Variants in POFUT1 observed in about 807,000 individuals in gnomAD.
POFUT1 encodes the protein GDP-fucose protein O-fucosyltransferase 1.
POFUT1 carries 16 observed loss-of-function variants against 42.4 expected under a neutral mutation model. The observed-to-expected ratio is 0.38, with a 90% CI of 0.26 to 0.57. POFUT1 has a LOEUF of 0.57. Among genes scored for constraint, POFUT1 ranks in the 20% least tolerant of loss-of-function variants. The pLI is 0.71. For synonymous variants in POFUT1, 206 were observed against 205.4 expected (o/e 1.00, Z -0.03); for missense variants, 470 against 504.6 (o/e 0.93, Z 0.66).
chr20:32,207,916 C>A lies in POFUT1; in HGVS notation c.-26C>A, dbSNP rs771588181. On this transcript the variant is annotated 5_prime_UTR_variant, in exon 1 of 7. Transcript: ENST00000375749. Reference sequence around the variant, plus strand: ...TCCTTCCCTCCCCGACTGTGCGCCGCGGCTGGCTCGGGTTCCCGGGCCGAC... The same window carrying A: ...TCCTTCCCTCCCCGACTGTGCGCCGAGGCTGGCTCGGGTTCCCGGGCCGAC... The A allele has an allele frequency of 6.4e-7, 1 of 1,568,876 alleles. No individual in the cohort carries two copies.
chr20:32,221,564 A>T (rs934775126), intron 4 of POFUT1, among the ~76,000 whole-genome samples: 2 of 152,008 alleles, frequency 1.3e-5, no homozygotes, highest in Non-Finnish European at 2.9e-5. Flanking sequence ...AATAGAAAAA[A>T]TTAGCCAGGC....
chr20:32,216,209 G>T (rs2047359407), intron 3 of POFUT1, among the ~76,000 whole-genome samples: 1 of 152,218 alleles, frequency 6.6e-6, no homozygotes, highest in Non-Finnish European at 1.5e-5. Flanking sequence ...CTTACTGGCT[G>T]TGTAACCTTG....
Position 32,207,951 on chromosome 20 carries a change from G to A in POFUT1, c.10G>A (p.Ala4Thr), listed in dbSNP as rs749309004. Residue 4 changes from alanine to threonine, a missense_variant, in exon 1 of 7, where the codon GCC (alanine) becomes ACC (threonine). Transcript: ENST00000375749. ...GGGTTCCCGGGCCGACATGGGCGCC[G>A]CCGCGTGGGCACGGCCGCTGAGCGT... is the stretch of plus-strand genomic sequence containing the variant. MGA[A>T]AWARPLSVSF... 1.3e-6 allele frequency: 2 copies of A among 1,588,260 alleles called. No homozygotes were observed. Among genetic ancestry groups the A allele is most frequent in the Non-Finnish European group, 1.7e-6 (2 of 1,175,088 alleles).
At chr20:32,217,244 G>T in intron 4 of POFUT1, 1 of 1,399,182 alleles carries the variant, frequency 7.1e-7, no homozygotes. Flanking sequence ...GTAATCAGAG[G>T]CCAATGGTGA....
chr20:32,213,848 T>C (rs1002812459), intron 2 of POFUT1, among the ~76,000 whole-genome samples: 16 of 152,246 alleles, frequency 1.1e-4, no homozygotes, highest in African/African-American at 3.9e-4. Context: ...TGTTAACACT[T>C]TCTCATGTTT....
intron 4 of POFUT1, among the ~76,000 whole-genome samples, chr20:32,225,859 G>A (rs1388394821): frequency 6.6e-6 from 1 of 152,176 alleles, no homozygotes; most frequent in Non-Finnish European, 1.5e-5. Context: ...TCTCTATTAT[G>A]TGGATGAGGA....
Position 32,207,931 on chromosome 20 carries a change from C to T in POFUT1, c.-11C>T, listed in dbSNP as rs1448832682. On this transcript the variant is annotated 5_prime_UTR_variant, in exon 1 of 7. Coordinates refer to ENST00000375749, the MANE Select transcript of POFUT1 (RefSeq NM_015352.2). The stretch of plus-strand genomic sequence containing the variant: ...CTGTGCGCCGCGGCTGGCTCGGGTT[C>T]CCGGGCCGACATGGGCGCCGCCGCG... 3 of 1,580,116 alleles carry T rather than the reference C, an allele frequency of 1.9e-6. No homozygotes were observed. Among genetic ancestry groups the T allele is most frequent in the Non-Finnish European group, 2.6e-6 (3 of 1,171,962 alleles).
In POFUT1 at chr20:32,234,867, A is replaced by T. The variant is rs1455770522; in HGVS notation, c.*206A>T. The T allele has an allele frequency of 6.0e-6, 3 of 499,894 alleles. No homozygotes were observed. Among genetic ancestry groups the T allele is most frequent in the Non-Finnish European group, 1.1e-5 (3 of 284,316 alleles). The allele number at this position is 499,894 out of a possible 1,614,324, so 31.0% of individuals were successfully genotyped here. A position where few individuals can be genotyped will look rare whatever the true frequency, so the allele number is the denominator to read the frequency against. ...GGACTTGCAGGTTCCTAGGAGCAGGAGCATCTCCCATCGCACGTGCTTTCT... is the reference window on the plus strand; with the variant it reads ...GGACTTGCAGGTTCCTAGGAGCAGGTGCATCTCCCATCGCACGTGCTTTCT... On this transcript the variant is annotated 3_prime_UTR_variant, in exon 7 of 7. Transcript: ENST00000375749.
chr20:32,225,338 C>G (rs1248133123), intron 4 of POFUT1, among the ~76,000 whole-genome samples: 1 of 151,994 alleles, frequency 6.6e-6, no homozygotes, highest in African/African-American at 2.4e-5. Flanking sequence ...CAGGTGCCCA[C>G]CACGACGTGT....
intron 1 of POFUT1, 41 bp from the exon 2 acceptor site, chr20:32,210,030 A>G (rs1569148570): frequency 1.9e-6 from 3 of 1,613,652 alleles, no homozygotes; most frequent in African/African-American, 2.7e-5. Context: ...TATGCCCTCC[A>G]TGCCCCAGGC....
At chr20:32,215,015 G>C (rs1269852020) in intron 2 of POFUT1, among the ~76,000 whole-genome samples, 1 of 152,224 alleles carries the variant, frequency 6.6e-6, no homozygotes, top group South Asian at 2.1e-4. Flanking sequence ...AGTCTCCCCA[G>C]TAGCTGGGAC....
At chr20:32,212,866 GC>G (rs1028241229) in intron 2 of POFUT1, among the ~76,000 whole-genome samples, 2 of 151,954 alleles carry the variant, frequency 1.3e-5, no homozygotes, top group Non-Finnish European at 2.9e-5. Flanking sequence ...ACAGGCAAAA[GC>G]CACTGCGCCC....
At chr20:32,218,655 T>C (rs1367499467) in intron 4 of POFUT1, among the ~76,000 whole-genome samples, 1 of 152,110 alleles carries the variant, frequency 6.6e-6, no homozygotes, top group East Asian at 1.9e-4. Flanking sequence ...CACCTCCGAA[T>C]GACCTGGAGC....
At chr20:32,233,759 G>A (rs935600145) in intron 6 of POFUT1, among the ~76,000 whole-genome samples, 1 of 152,136 alleles carries the variant, frequency 6.6e-6, no homozygotes, top group African/African-American at 2.4e-5. Context: ...CTTGGATTTG[G>A]GGTACATGGG....
intron 4 of POFUT1, chr20:32,217,570 C>G: frequency 1.0e-6 from 1 of 981,116 alleles, no homozygotes; most frequent in East Asian, 1.1e-4. Context: ...CATGATGGTA[C>G]CCCTGCACTC....
At chr20:32,214,132 A>T (rs544245363) in intron 2 of POFUT1, among the ~76,000 whole-genome samples, 130 of 149,576 alleles carry the variant, frequency 8.7e-4, no homozygotes, top group Middle Eastern at 6.9e-3. Context: ...AAAAAAAAAA[A>T]TTTTTTTTTT....
Position 32,234,760 on chromosome 20 carries a change from A to G in POFUT1, c.*99A>G, listed in dbSNP as rs17123085. 0.012 allele frequency: 13,071 copies of G among 1,070,704 alleles called. 1,239 individuals carry two copies. In the African/African-American group the frequency reaches 0.19, roughly 15 times the overall value. The allele number at this position is 1,070,704 out of a possible 1,614,324, so 66.3% of individuals were successfully genotyped here. ...CAGCCAGAGGTGCTCCGGGATTGCA[A>G]ACTCCTCTTCTCACCTGCCAAAGAT... is the stretch of plus-strand genomic sequence containing the variant. On this transcript the variant is annotated 3_prime_UTR_variant, in exon 7 of 7. Coordinates refer to ENST00000375749, the MANE Select transcript of POFUT1 (RefSeq NM_015352.2).
intron 5 of POFUT1, among the ~76,000 whole-genome samples, chr20:32,229,829 GGCAA>G (rs10540152): frequency 0.68 from 103,356 of 151,236 alleles, 37,273 homozygotes; most frequent in East Asian, 0.99. Flanking sequence ...GGAGTGCAGT[GGCAA>G]GCAAAATCAC....
chr20:32,225,031 G>A (rs2047407789), intron 4 of POFUT1, among the ~76,000 whole-genome samples: 2 of 152,134 alleles, frequency 1.3e-5, no homozygotes, highest in African/African-American at 4.8e-5. Context: ...CCAAGGTACT[G>A]TTCTAAATGC....
Sources: allele counts gnomAD v4.1 joint callset (sites outside exome capture counted in the v4.1 genomes callset), GRCh38; gene constraint gnomAD v4.1.1; transcripts MANE v1.5; gene names NCBI Gene and HGNC (gene_info 2026-07-23, HGNC 2026-07-21).